RIMS3: variants seen among roughly 807,000 people sequenced by gnomAD.
The protein encoded by RIMS3 is regulating synaptic membrane exocytosis 3.
RIMS3 carries 15 observed loss-of-function variants against 29.2 expected under a neutral mutation model. That is an observed-to-expected ratio of 0.51 (90% confidence interval 0.34 to 0.79). The LOEUF is 0.79. RIMS3 is among the 30% of genes least tolerant of loss of function. The pLI is 0.01. For synonymous variants in RIMS3, 161 were observed against 170.1 expected (o/e 0.95, Z 0.41); for missense variants, 342 against 421.4 (o/e 0.81, Z 1.65).
the RIMS3 span, chr1:40,691,745 C>T: frequency 2.2e-6 from 1 of 455,448 alleles, no homozygotes; most frequent in Non-Finnish European, 4.4e-6. Context: ...CCCCGCTTCG[C>T]GCGCGCTCCG....
chr1:40,650,784 T>G (rs1194104394), intron 1 of RIMS3, among the ~76,000 whole-genome samples: 1 of 141,718 alleles, frequency 7.1e-6, no homozygotes, highest in Admixed American at 7.9e-5. Flanking sequence ...GAGGATGGCT[T>G]GAGCCTAGGA....
chr1:40,649,403 C>G (rs1385952352), intron 1 of RIMS3, among the ~76,000 whole-genome samples: 1 of 152,192 alleles, frequency 6.6e-6, no homozygotes, highest in East Asian at 1.9e-4. Flanking sequence ...TGTGTACACA[C>G]CTGCAAACAC....
At chr1:40,688,116 C>A in the RIMS3 span, among the ~76,000 whole-genome samples, 1 of 152,176 alleles carries the variant, frequency 6.6e-6, no homozygotes, top group Non-Finnish European at 1.5e-5. Flanking sequence ...AGGCGTGTGC[C>A]ACCATGCCCG....
intron 3 of RIMS3, among the ~76,000 whole-genome samples, chr1:40,637,332 G>T (rs895490888): frequency 6.6e-6 from 1 of 152,196 alleles, no homozygotes; most frequent in East Asian, 1.9e-4. Context: ...CAGGCAGAGA[G>T]GTCTAGGATC....
chr1:40,679,291 C>T, the RIMS3 span, among the ~76,000 whole-genome samples: 1 of 152,212 alleles, frequency 6.6e-6, no homozygotes, highest in Non-Finnish European at 1.5e-5. Flanking sequence ...TCTCCTCCCA[C>T]CATCCCCTCC....
rs145759403 is a variant in RIMS3, at chr1:40,652,530, A to G, written c.-206-4688T>C. 2.2e-3 allele frequency among the ~76,000 whole-genome samples: 328 copies of G among 152,304 alleles called. 5 individuals carry two copies. The highest frequency in any genetic ancestry group is 0.02 in the East Asian group (102 of 5,170). ...TCAAAAGATAGGTGAGGTTTTGGAG[A>G]GGAGAGGCAGAGGTGGCTCTAAAGG... is the stretch of plus-strand genomic sequence containing the variant. On this transcript the variant is annotated intron_variant, in intron 1 of 7. Transcript: ENST00000372684.
chr1:40,648,890 C>T (rs1381296988), intron 1 of RIMS3, among the ~76,000 whole-genome samples: 1 of 152,230 alleles, frequency 6.6e-6, no homozygotes, highest in Non-Finnish European at 1.5e-5. Context: ...ACCCCTGGCC[C>T]AAACCTAATC....
chr1:40,626,201 G>T lies in RIMS3; in HGVS notation c.*316C>A. ...CTGGAGACTCCTCAGGGTGAGTCAT[G>T]TCCACACAACACTCCTTTGGGTTTC... On this transcript the variant is annotated 3_prime_UTR_variant, in exon 8 of 8. Coordinates refer to ENST00000372684, the MANE Select transcript of RIMS3 (RefSeq NM_014747.3). 1 of 417,778 alleles carries T rather than the reference G, an allele frequency of 2.4e-6. No individual in the cohort carries two copies. The highest frequency in any genetic ancestry group is 4.5e-6 in the Non-Finnish European group (1 of 221,384). The allele number at this position is 417,778 out of a possible 1,614,324, so 25.9% of individuals were successfully genotyped here.
intron 2 of RIMS3, 74 bp from the exon 3 acceptor site, chr1:40,642,030 G>C (rs1646562235): frequency 2.2e-6 from 2 of 915,582 alleles, no homozygotes; most frequent in East Asian, 5.3e-5. Context: ...CCACTTCCTA[G>C]CTGCGTGACC....
chr1:40,688,143 T>G, the RIMS3 span, among the ~76,000 whole-genome samples: 2 of 152,162 alleles, frequency 1.3e-5, no homozygotes, highest in Non-Finnish European at 2.9e-5. Context: ...TTTTGTATTT[T>G]CAGTAGAGAC....
chr1:40,652,595 G>A (rs1162354821), intron 1 of RIMS3, among the ~76,000 whole-genome samples: 5 of 152,206 alleles, frequency 3.3e-5, no homozygotes, highest in African/African-American at 9.6e-5. Flanking sequence ...GGGAGAAAAC[G>A]TTGTGTTCAG....
chr1:40,646,883 T>C (rs1557677702), intron 2 of RIMS3, among the ~76,000 whole-genome samples: 1 of 41,028 alleles, frequency 2.4e-5, no homozygotes, highest in African/African-American at 1.2e-4. Context: ...ACCAGATAAC[T>C]TTTTTTTTTT....
intron 2 of RIMS3, among the ~76,000 whole-genome samples, chr1:40,645,971 T>TG (rs1646592754): frequency 1.3e-5 from 2 of 152,176 alleles, no homozygotes; most frequent in African/African-American, 4.8e-5. Flanking sequence ...CCCAAAGCAC[T>TG]GGACCCAAGG....
chr1:40,660,922 G>A (rs1246348377), intron 1 of RIMS3, among the ~76,000 whole-genome samples: 3 of 152,074 alleles, frequency 2.0e-5, no homozygotes, highest in African/African-American at 7.2e-5. Context: ...GAAGGCACCA[G>A]GATTTGGCTC....
chr1:40,645,026 A>G (rs545267755), intron 2 of RIMS3, among the ~76,000 whole-genome samples: 2 of 152,304 alleles, frequency 1.3e-5, no homozygotes, highest in East Asian at 3.9e-4. Flanking sequence ...TAGCTGACAG[A>G]GTGGATGAAT....
the RIMS3 span, among the ~76,000 whole-genome samples, chr1:40,684,968 G>T: frequency 1.3e-5 from 2 of 152,244 alleles, no homozygotes; most frequent in Admixed American, 1.3e-4. Flanking sequence ...TAACTTGATG[G>T]CCTCAAGCAA....
chr1:40,631,034 A>G (rs567454440), intron 5 of RIMS3, among the ~76,000 whole-genome samples: 2 of 152,346 alleles, frequency 1.3e-5, no homozygotes, highest in African/African-American at 4.8e-5. Context: ...CATGACTCAC[A>G]GCAGGACACT....
At chr1:40,681,790 C>T in the RIMS3 span, among the ~76,000 whole-genome samples, 1 of 152,162 alleles carries the variant, frequency 6.6e-6, no homozygotes, top group African/African-American at 2.4e-5. Context: ...AAAAGATTCC[C>T]TGGTAGCTTC....
chr1:40,655,683 G>A (rs1451377022), intron 1 of RIMS3, among the ~76,000 whole-genome samples: 1 of 152,168 alleles, frequency 6.6e-6, no homozygotes, highest in Non-Finnish European at 1.5e-5. Context: ...ATAACACTGT[G>A]TGTCACCTCA....
Sources: allele counts gnomAD v4.1 joint callset (sites outside exome capture counted in the v4.1 genomes callset), GRCh38; gene constraint gnomAD v4.1.1; transcripts MANE v1.5; gene names NCBI Gene and HGNC (gene_info 2026-07-23, HGNC 2026-07-21).